The following GPC5 variants were observed in gnomAD, a reference collection of about 807,000 sequenced individuals.
GPC5 encodes glypican-5.
A neutral mutation model predicts 53.9 loss-of-function variants in GPC5; 47 were observed. That is an observed-to-expected ratio of 0.87 (90% CI 0.69 to 1.11). The LOEUF is 1.11. GPC5 is among the 50% of genes most tolerant of loss of function. GPC5 has a pLI of 0.00. For synonymous variants in GPC5, 286 were observed against 263.3 expected (o/e 1.09, Z -0.84); for missense variants, 748 against 713.1 (o/e 1.05, Z -0.56).
intron 7 of GPC5, among the ~76,000 whole-genome samples, chr13:92,530,394 A>C (rs2138986336): frequency 6.6e-6 from 1 of 151,768 alleles, no homozygotes; most frequent in Non-Finnish European, 1.5e-5. Context: ...AAAGCCTCAG[A>C]GTTCCCCACT....
intron 2 of GPC5, among the ~76,000 whole-genome samples, chr13:91,497,442 C>A (rs975357318): frequency 6.6e-6 from 1 of 151,992 alleles, no homozygotes; most frequent in African/African-American, 2.4e-5. Context: ...GTTGTAATTC[C>A]CACAGAAGAG....
intron 3 of GPC5, among the ~76,000 whole-genome samples, chr13:91,727,342 C>G (rs772257494): frequency 5.9e-5 from 9 of 152,166 alleles, no homozygotes; most frequent in Non-Finnish European, 1.3e-4. Flanking sequence ...ACCACCCCCA[C>G]TGGGCAAGGA....
At chr13:92,368,299 T>C (rs2043622022) in intron 7 of GPC5, among the ~76,000 whole-genome samples, 1 of 150,272 alleles carries the variant, frequency 6.7e-6, no homozygotes, top group Non-Finnish European at 1.5e-5. Context: ...AACCTTTTAC[T>C]ATCACCAGTA....
intron 5 of GPC5, among the ~76,000 whole-genome samples, chr13:91,867,623 C>G (rs1181622340): frequency 1.1e-4 from 17 of 152,136 alleles, no homozygotes; most frequent in Admixed American, 1.1e-3. Flanking sequence ...CTTTCAGTTT[C>G]CTTGTGATTT....
At chr13:91,647,283 A>G (rs1249465742) in intron 2 of GPC5, among the ~76,000 whole-genome samples, 2 of 152,220 alleles carry the variant, frequency 1.3e-5, no homozygotes, top group Non-Finnish European at 2.9e-5. Flanking sequence ...GAAGTTCTAT[A>G]GGTTAGCACT....
chr13:92,426,592 T>C (rs1278662710), intron 7 of GPC5, among the ~76,000 whole-genome samples: 2 of 152,090 alleles, frequency 1.3e-5, no homozygotes, highest in African/African-American at 2.4e-5. Context: ...AAAGTGTTCA[T>C]TGGAAGAAAA....
At chr13:92,591,304 G>T (rs1408892358) in intron 7 of GPC5, among the ~76,000 whole-genome samples, 3 of 151,974 alleles carry the variant, frequency 2.0e-5, no homozygotes, top group African/African-American at 7.2e-5. Flanking sequence ...GATGTGTGTC[G>T]CTATTAGGGA....
chr13:91,710,831 A>T (rs1394125602), intron 3 of GPC5, among the ~76,000 whole-genome samples: 1 of 151,818 alleles, frequency 6.6e-6, no homozygotes, highest in Non-Finnish European at 1.5e-5. Context: ...GTTCATTTAG[A>T]TGTTAATAGG....
At chr13:92,286,549 A>G (rs1435705510) in intron 7 of GPC5, among the ~76,000 whole-genome samples, 1 of 152,106 alleles carries the variant, frequency 6.6e-6, no homozygotes, top group Non-Finnish European at 1.5e-5. Context: ...GGAATACTAT[A>G]CAGCCATCAA....
intron 7 of GPC5, among the ~76,000 whole-genome samples, chr13:92,455,365 T>C (rs80052161): frequency 0.016 from 2,500 of 152,334 alleles, 70 homozygotes; most frequent in African/African-American, 0.057. Flanking sequence ...AAATACATTG[T>C]ATATATTTTA....
intron 6 of GPC5, among the ~76,000 whole-genome samples, chr13:91,998,218 C>T (rs937297912): frequency 3.3e-5 from 5 of 152,066 alleles, no homozygotes; most frequent in Non-Finnish European, 5.9e-5. Flanking sequence ...CATTCCATTC[C>T]CCTCTTCTAT....
intron 7 of GPC5, among the ~76,000 whole-genome samples, chr13:92,719,452 A>G (rs1304932682): frequency 1.3e-5 from 2 of 152,162 alleles, no homozygotes; most frequent in Admixed American, 6.6e-5. Context: ...TGCTTGTAAC[A>G]TTCTATTCCT....
chr13:92,363,994 G>A (rs2043588931), intron 7 of GPC5, among the ~76,000 whole-genome samples: 1 of 151,648 alleles, frequency 6.6e-6, no homozygotes, highest in African/African-American at 2.4e-5. Flanking sequence ...CTCATGACTA[G>A]GAGAGAAATT....
At chr13:91,421,568 G>A (rs574910656) in intron 1 of GPC5, among the ~76,000 whole-genome samples, 2 of 152,192 alleles carry the variant, frequency 1.3e-5, no homozygotes, top group African/African-American at 2.4e-5. Context: ...TGGAATATTG[G>A]CCAACAATAT....
chr13:92,082,423 C>T (rs1435159526), intron 6 of GPC5, among the ~76,000 whole-genome samples: 1 of 152,048 alleles, frequency 6.6e-6, no homozygotes, highest in Non-Finnish European at 1.5e-5. Flanking sequence ...ATTTATAATA[C>T]CCAGAGGAGT....
chr13:92,657,579 G>GTTTTTTTTTTTTTTTTTTTTT (rs67038073), intron 7 of GPC5, among the ~76,000 whole-genome samples: 1 of 106,730 alleles, frequency 9.4e-6, no homozygotes, highest in African/African-American at 3.7e-5. Context: ...AGGTTTTTTG[G>GTTTTTTTTTTTTTTTTTTTTT]TTTTTTTTTT....
intron 6 of GPC5, among the ~76,000 whole-genome samples, chr13:91,925,768 G>A (rs942487994): frequency 6.6e-5 from 10 of 152,192 alleles, no homozygotes; most frequent in Admixed American, 5.9e-4. Flanking sequence ...AGGAAAAAGA[G>A]GAATCCCCTT....
chr13:92,862,328 T>G (rs1371279449), intron 7 of GPC5, among the ~76,000 whole-genome samples: 2 of 152,184 alleles, frequency 1.3e-5, no homozygotes, highest in Non-Finnish European at 2.9e-5. Flanking sequence ...ATTAAAAGTG[T>G]TCTTTGTAAT....
chr13:92,162,708 T>G (rs1304594703), intron 7 of GPC5, among the ~76,000 whole-genome samples: 1 of 152,226 alleles, frequency 6.6e-6, no homozygotes, highest in African/African-American at 2.4e-5. Flanking sequence ...ACTCATGTAT[T>G]AAAACCTTTC....
Sources: allele counts gnomAD v4.1 joint callset (sites outside exome capture counted in the v4.1 genomes callset), GRCh38; gene constraint gnomAD v4.1.1; transcripts MANE v1.5; gene names NCBI Gene and HGNC (gene_info 2026-07-23, HGNC 2026-07-21).